Variants in HOGA1 observed in about 807,000 individuals in gnomAD.
The protein encoded by HOGA1 is 4-hydroxy-2-oxoglutarate aldolase 1, also known as 4-hydroxy-2-oxoglutarate aldolase, mitochondrial.
In HOGA1, 30 loss-of-function variants were observed where a neutral mutation model predicts 34.3. That is an observed-to-expected ratio of 0.87 (90% CI 0.65 to 1.19). HOGA1 has a LOEUF of 1.19. Among genes scored for constraint, HOGA1 ranks in the 50% most tolerant of loss-of-function variants. The probability of loss-of-function intolerance (pLI) is 0.00; values close to 1 mark genes in which losing one functional copy is unlikely to be tolerated. For synonymous variants in HOGA1, 161 were observed against 174.0 expected (o/e 0.93, Z 0.59); for missense variants, 417 against 436.5 (o/e 0.96, Z 0.40).
rs767537365 is a variant in HOGA1, at chr10:97,599,803, A to G, written c.592A>G (p.Ser198Gly). Residue 198 changes from serine to glycine, a missense_variant, in exon 4 of 7, where the codon AGC becomes GGC. Physicochemically the swap from Ser to Gly is moderately conservative, Grantham distance 56 (BLOSUM62 0). Transcript: ENST00000370646. ...CCCGAATATTGTGGGCATGAAGGAC[A>G]GCGGTGGTGATGTGAGTGGCAGCAG... is the stretch of plus-strand genomic sequence containing the variant. ...QHPNIVGMKD[S>G]GGDVTRIGLI... The G allele has an allele frequency of 6.2e-7, 1 of 1,614,190 alleles. No homozygotes were observed. The highest frequency in any genetic ancestry group is 8.5e-7 in the Non-Finnish European group (1 of 1,180,042).
rs146904445 is a variant in HOGA1 at position 97,610,091 on chromosome 10, A to T, written c.835-1419A>T. ...GTGAAAGATTCATCTAATATTTCTG[A>T]TCAGCATGAAATAACCAGTTGCTAT... On this transcript the variant is annotated intron_variant, in intron 6 of 6. Coordinates refer to ENST00000370646, the MANE Select transcript of HOGA1 (RefSeq NM_138413.4). Among the ~76,000 whole-genome samples, 330 of 152,334 alleles carry T rather than the reference A, an allele frequency of 2.2e-3. 1 individual carries two copies. The highest frequency in any genetic ancestry group is 7.4e-3 in the African/African-American group (308 of 41,572).
intron 1 of HOGA1, among the ~76,000 whole-genome samples, chr10:97,595,845 T>C (rs1250002786): frequency 1.3e-5 from 2 of 152,222 alleles, no homozygotes; most frequent in African/African-American, 4.8e-5. Flanking sequence ...CAGTCCCTGC[T>C]TCATTGGAGA....
chr10:97,604,179 G>A lies in HOGA1; in HGVS notation c.834+2189G>A, dbSNP rs75263401. Among the ~76,000 whole-genome samples, 880 of 152,216 alleles carry A rather than the reference G, an allele frequency of 5.8e-3. 15 individuals carry two copies. Among genetic ancestry groups the A allele is most frequent in the East Asian group, 0.055 (284 of 5,172 alleles). Reference sequence around the variant, plus strand: ...AAGAGTATACTATATGGAATCACATGGTATATAACTTTTGGGGATTGGCTT... The same window carrying A: ...AAGAGTATACTATATGGAATCACATAGTATATAACTTTTGGGGATTGGCTT... On this transcript the variant is annotated intron_variant, in intron 6 of 6. Transcript: ENST00000370646.
intron 4 of HOGA1, 113 bp downstream of exon 4, chr10:97,599,927 TTCTC>T (rs2041103150): frequency 1.3e-6 from 2 of 1,556,416 alleles, no homozygotes; most frequent in South Asian, 1.1e-5. Flanking sequence ...TCTGTGTGGA[TTCTC>T]TCTGTCGTGC....
intron 6 of HOGA1, among the ~76,000 whole-genome samples, chr10:97,608,052 G>A (rs569520198): frequency 7.6e-4 from 116 of 152,336 alleles, no homozygotes; most frequent in African/African-American, 2.8e-3. Context: ...GCTCACACCT[G>A]TAATCCCAGC....
chr10:97,585,596 G>T (rs1006929755), intron 1 of HOGA1, among the ~76,000 whole-genome samples: 1 of 152,204 alleles, frequency 6.6e-6, no homozygotes, highest in Non-Finnish European at 1.5e-5. Flanking sequence ...GCTCTCTGTA[G>T]GACCATCCCA....
intron 6 of HOGA1, among the ~76,000 whole-genome samples, chr10:97,607,339 G>T (rs977808337): frequency 3.9e-5 from 6 of 152,206 alleles, no homozygotes; most frequent in Non-Finnish European, 5.9e-5. Context: ...ACCCAGCTGG[G>T]AGCGGGGGTG....
At chr10:97,605,583 T>C (rs1456673419) in intron 6 of HOGA1, among the ~76,000 whole-genome samples, 5 of 152,208 alleles carry the variant, frequency 3.3e-5, no homozygotes. Flanking sequence ...GCATTTGTTG[T>C]GACTATTTTT....
intron 1 of HOGA1, among the ~76,000 whole-genome samples, chr10:97,587,593 C>T (rs987267887): frequency 2.6e-5 from 4 of 152,140 alleles, no homozygotes; most frequent in South Asian, 2.1e-4. Context: ...CTGAAACCTC[C>T]GCTTCCTGGG....
chr10:97,595,930 A>G (rs2041067332), intron 1 of HOGA1, among the ~76,000 whole-genome samples: 2 of 152,060 alleles, frequency 1.3e-5, no homozygotes, highest in African/African-American at 4.8e-5. Flanking sequence ...TGGACATCTA[A>G]CCAGGGTGAA....
At chr10:97,602,390 T>C (rs1215813292) in intron 6 of HOGA1, 2 of 1,188,758 alleles carry the variant, frequency 1.7e-6, no homozygotes, top group African/African-American at 3.2e-5. Flanking sequence ...CCTGAAAAAA[T>C]AGGAATGACT....
At chr10:97,587,851 C>T (rs1237703091) in intron 1 of HOGA1, among the ~76,000 whole-genome samples, 1 of 151,532 alleles carries the variant, frequency 6.6e-6, no homozygotes, top group Non-Finnish European at 1.5e-5. Context: ...AGTCTGCCAC[C>T]CAGGCTGGAC....
chr10:97,587,026 C>T (rs1271566741), intron 1 of HOGA1, among the ~76,000 whole-genome samples: 2 of 152,222 alleles, frequency 1.3e-5, no homozygotes, highest in Non-Finnish European at 2.9e-5. Flanking sequence ...AGAATAGGAA[C>T]TGAGCCTTCA....
At chr10:97,611,129 T>C (rs1356628341) in intron 6 of HOGA1, among the ~76,000 whole-genome samples, 2 of 152,162 alleles carry the variant, frequency 1.3e-5, no homozygotes. Flanking sequence ...CCAGGTCTGG[T>C]GTGACCTGCG....
intron 6 of HOGA1, among the ~76,000 whole-genome samples, chr10:97,604,256 G>A (rs2041141428): frequency 6.6e-6 from 1 of 152,178 alleles, no homozygotes; most frequent in African/African-American, 2.4e-5. Context: ...TTTGTTGCAT[G>A]TATCAATAGT....
At chr10:97,605,067 A>G (rs1434517510) in intron 6 of HOGA1, among the ~76,000 whole-genome samples, 1 of 152,130 alleles carries the variant, frequency 6.6e-6, no homozygotes, top group Non-Finnish European at 1.5e-5. Context: ...GGATCGATAC[A>G]CAGCAGTACA....
chr10:97,591,640 T>C (rs1420609862), intron 1 of HOGA1, among the ~76,000 whole-genome samples: 2 of 152,056 alleles, frequency 1.3e-5, no homozygotes, highest in Non-Finnish European at 2.9e-5. Flanking sequence ...TATGTATATT[T>C]TGAGACAGGG....
chr10:97,592,552 T>C (rs1280695298), intron 1 of HOGA1, among the ~76,000 whole-genome samples: 1 of 151,950 alleles, frequency 6.6e-6, no homozygotes, highest in Non-Finnish European at 1.5e-5. Context: ...AAAATCCCTG[T>C]ACTATTTTTG....
At chr10:97,596,232 G>A (rs986318422) in intron 1 of HOGA1, among the ~76,000 whole-genome samples, 2 of 152,302 alleles carry the variant, frequency 1.3e-5, no homozygotes. Context: ...TGTCATAGAA[G>A]CTTTGAGCAC....
Sources: gnomAD v4.1 joint callset for allele counts (sites outside exome capture counted in the v4.1 genomes callset) on GRCh38, gnomAD v4.1.1 for gene constraint, MANE v1.5 for transcripts, NCBI Gene and HGNC (gene_info 2026-07-23, HGNC 2026-07-21) for gene names.